R3HDM2: variants seen among roughly 807,000 people sequenced by gnomAD.
The protein encoded by R3HDM2 is R3H domain containing 2.
In R3HDM2, 38 loss-of-function variants were observed where a neutral mutation model predicts 124.5. The observed-to-expected ratio is 0.31, with a 90% CI of 0.24 to 0.40. The LOEUF is 0.40. Ranked by LOEUF, R3HDM2 falls within the 10% of genes least tolerant of loss-of-function variation. R3HDM2 has a pLI of 1.00. For missense variants in R3HDM2, 869 were observed against 1,236.9 expected (o/e 0.70, Z 4.46); for synonymous variants, 391 against 448.0 (o/e 0.87, Z 1.61).
intron 6 of R3HDM2, among the ~76,000 whole-genome samples, chr12:57,298,941 C>T (rs1402114722): frequency 2.6e-5 from 4 of 151,536 alleles, no homozygotes; most frequent in South Asian, 2.1e-4. Context: ...CCAGCCTGGG[C>T]GACAGAGGGA....
At chr12:57,376,899 C>T (rs747476773) in intron 2 of R3HDM2, among the ~76,000 whole-genome samples, 15 of 151,240 alleles carry the variant, frequency 9.9e-5, no homozygotes, top group Non-Finnish European at 1.9e-4. Context: ...TGCAATGAGC[C>T]GAGATGACAC....
At chr12:57,359,420 A>C (rs2061633891) in intron 2 of R3HDM2, among the ~76,000 whole-genome samples, 2 of 152,192 alleles carry the variant, frequency 1.3e-5, no homozygotes, top group Non-Finnish European at 2.9e-5. Context: ...TTGAAGAACT[A>C]ACTCCTCTTT....
intron 2 of R3HDM2, among the ~76,000 whole-genome samples, chr12:57,387,184 G>A (rs780066105): frequency 5.9e-5 from 9 of 152,074 alleles, no homozygotes; most frequent in South Asian, 2.1e-4. Context: ...AGTGGCAACC[G>A]GCTGGGGTCC....
At chr12:57,419,876 C>T (rs1346098360) in intron 1 of R3HDM2, among the ~76,000 whole-genome samples, 1 of 152,026 alleles carries the variant, frequency 6.6e-6, no homozygotes, top group East Asian at 1.9e-4. Context: ...AGCTATCTCT[C>T]CCACTCTCTC....
At chr12:57,339,460 G>A (rs1204130725) in intron 2 of R3HDM2, among the ~76,000 whole-genome samples, 2 of 152,138 alleles carry the variant, frequency 1.3e-5, no homozygotes, top group East Asian at 3.9e-4. Flanking sequence ...CCAGCACTTT[G>A]GGAGGCCGGT....
chr12:57,394,447 T>C (rs1459194818), intron 2 of R3HDM2, among the ~76,000 whole-genome samples: 1 of 152,064 alleles, frequency 6.6e-6, no homozygotes, highest in African/African-American at 2.4e-5. Context: ...CGTCTTGTAC[T>C]TGTAGTTCCA....
At chr12:57,286,644 G>A (rs1272527734) in intron 12 of R3HDM2, among the ~76,000 whole-genome samples, 2 of 152,164 alleles carry the variant, frequency 1.3e-5, no homozygotes, top group African/African-American at 2.4e-5. Context: ...GACTTTGGGA[G>A]GCTGAGGTGG....
intron 2 of R3HDM2, among the ~76,000 whole-genome samples, chr12:57,312,731 C>T (rs946505218): frequency 6.6e-6 from 1 of 151,884 alleles, no homozygotes; most frequent in African/African-American, 2.4e-5. Context: ...ATTAGCCTGA[C>T]GTGGTGGTAA....
chr12:57,364,413 G>T (rs2062351911), intron 2 of R3HDM2, among the ~76,000 whole-genome samples: 1 of 152,032 alleles, frequency 6.6e-6, no homozygotes, highest in Non-Finnish European at 1.5e-5. Context: ...GCCTCCCAAA[G>T]TGCTGGGATT....
chr12:57,317,225 C>A (rs1323740291), intron 2 of R3HDM2, among the ~76,000 whole-genome samples: 1 of 148,874 alleles, frequency 6.7e-6, no homozygotes, highest in Non-Finnish European at 1.5e-5. Flanking sequence ...TTTTTTGAGA[C>A]AGGGTCTCAG....
rs1176497706 is a variant in R3HDM2 at position 57,254,386 on chromosome 12, A to G, written c.*387T>C. On this transcript the variant is annotated 3_prime_UTR_variant, in exon 24 of 24. Transcript: ENST00000402412. ...CATGGTGGCGCGTGTCTGTAGTGCC[A>G]GCTACTTGGGAGGCTGAGGCAGGAG... 3 of 390,674 alleles carry G rather than the reference A, an allele frequency of 7.7e-6. No individual in the cohort carries two copies. The highest frequency in any genetic ancestry group is 1.5e-5 in the Non-Finnish European group (3 of 204,210). The allele number at this position is 390,674 out of a possible 1,614,324, so 24.2% of individuals were successfully genotyped here.
intron 2 of R3HDM2, among the ~76,000 whole-genome samples, chr12:57,375,858 G>C (rs761773634): frequency 1.2e-4 from 18 of 152,182 alleles, no homozygotes; most frequent in Admixed American, 1.0e-3. Context: ...ATTTTTAGTA[G>C]AGACAGGGTT....
At chr12:57,429,773 G>C (rs1869233651) in intron 1 of R3HDM2, among the ~76,000 whole-genome samples, 1 of 143,190 alleles carries the variant, frequency 7.0e-6, no homozygotes, top group South Asian at 2.5e-4. Context: ...GGCGGGGGTG[G>C]GGGGGGAATA....
chr12:57,306,874 G>C (rs1274618861), intron 3 of R3HDM2, among the ~76,000 whole-genome samples: 2 of 152,174 alleles, frequency 1.3e-5, no homozygotes, highest in Non-Finnish European at 2.9e-5. Flanking sequence ...AATTAGCCAG[G>C]CATGGTGGCA....
Position 57,254,260 on chromosome 12 carries a change from G to A in R3HDM2, c.*513C>T. 2.2e-6 allele frequency: 1 copy of A among 453,838 alleles called. No individual in the cohort carries two copies. Among genetic ancestry groups the A allele is most frequent in the Non-Finnish European group, 4.4e-6 (1 of 226,522 alleles). The allele number at this position is 453,838 out of a possible 1,614,324, so 28.1% of individuals were successfully genotyped here. A position where few individuals can be genotyped will look rare whatever the true frequency, so the allele number is the denominator to read the frequency against. The stretch of plus-strand genomic sequence containing the variant: ...TCACGCCTGTAATCCCAGCACTCTG[G>A]AAGGCCAAGGCAGGTGGATCACCTG... On this transcript the variant is annotated 3_prime_UTR_variant, in exon 24 of 24. Transcript: ENST00000402412.
At chr12:57,363,121 C>T (rs977076178) in intron 2 of R3HDM2, among the ~76,000 whole-genome samples, 4 of 152,186 alleles carry the variant, frequency 2.6e-5, no homozygotes, top group African/African-American at 4.8e-5. Flanking sequence ...CTGCGCCCAG[C>T]CTGCATTATT....
intron 2 of R3HDM2, among the ~76,000 whole-genome samples, chr12:57,381,777 T>TATAC (rs1196964969): frequency 1.3e-5 from 2 of 151,976 alleles, no homozygotes; most frequent in Admixed American, 6.6e-5. Context: ...CAATTTTATA[T>TATAC]ATACATACAT....
At chr12:57,303,352 G>C in intron 3 of R3HDM2, 135 bp from the exon 4 acceptor site, 2 of 749,738 alleles carry the variant, frequency 2.7e-6, no homozygotes, top group South Asian at 3.4e-5. Context: ...AGGACCACTT[G>C]ATGTGGGTTT....
At chr12:57,420,760 G>A (rs1401295567) in intron 1 of R3HDM2, among the ~76,000 whole-genome samples, 2 of 151,892 alleles carry the variant, frequency 1.3e-5, no homozygotes, top group Non-Finnish European at 2.9e-5. Flanking sequence ...CCTCTCCTCA[G>A]CCTGCAGCTC....
Sources: gnomAD v4.1 joint callset for allele counts (sites outside exome capture counted in the v4.1 genomes callset) on GRCh38, gnomAD v4.1.1 for gene constraint, MANE v1.5 for transcripts, NCBI Gene and HGNC (gene_info 2026-07-23, HGNC 2026-07-21) for gene names.